SGSH: variants seen among roughly 807,000 people sequenced by gnomAD.
SGSH encodes heparan sulfate sulfatase.
In SGSH, 48 loss-of-function variants were observed where a neutral mutation model predicts 51.0. The ratio of observed to expected loss-of-function variants is 0.94; its 90% CI spans 0.75 to 1.20. The LOEUF is 1.20. SGSH is among the 50% of genes most tolerant of loss of function. The pLI is 0.00. For missense variants in SGSH, 662 were observed against 717.8 expected, an observed-to-expected ratio of 0.92 and a Z score of 0.89; for synonymous variants, 321 against 313.4, an observed-to-expected ratio of 1.02 and a Z score of -0.26.
chr17:80,215,063 G>A lies in SGSH; in HGVS notation c.325C>T (p.Leu109=), dbSNP rs930899199. The change falls in exon 3 of 8, where the codon CTG becomes TTG. Residue 109 remains leucine (L), a synonymous_variant. Transcript: ENST00000326317. ...NSFDKVRSLP[L]LLSQAGVRTG... ...CGCACACCAGCTTGGCTGAGCAGCAGCGGCAGGCTCCGCACCTTGTCGAAG... is the reference window on the plus strand; with the variant it reads ...CGCACACCAGCTTGGCTGAGCAGCAACGGCAGGCTCCGCACCTTGTCGAAG... 5 of 1,611,976 alleles carry A rather than the reference G, an allele frequency of 3.1e-6. No homozygotes were observed. The highest frequency in any genetic ancestry group is 2.7e-5 in the African/African-American group (2 of 75,064).
downstream of SGSH, chr17:80,206,787 T>TG (rs1281593162): frequency 2.4e-6 from 1 of 414,822 alleles, no homozygotes; most frequent in East Asian, 3.7e-5. Flanking sequence ...AAAATAAAAA[T>TG]AAAAAAAAGA....
downstream of SGSH, chr17:80,208,237 C>A (rs1394496724): frequency 1.3e-6 from 2 of 1,574,628 alleles, no homozygotes; most frequent in Non-Finnish European, 1.7e-6. Context: ...TATACAGCAG[C>A]CTGGCTCCTG....
At position 80,210,125 on chromosome 17, in the gene SGSH, T is replaced by C. The variant is rs1473211776; in HGVS notation, c.*327A>G. On this transcript the variant is annotated 3_prime_UTR_variant, in exon 8 of 8. Transcript: ENST00000326317. ...GCCAGAAAACAAGACTCCCTTGTCA[T>C]GGGCTGGGGGCGCTGCCCTGTCCGC... 13 of 1,217,488 alleles carry C rather than the reference T, an allele frequency of 1.1e-5. No individual in the cohort carries two copies. The highest frequency in any genetic ancestry group is 3.9e-5 in the Admixed American group (1 of 25,870). 75.4% of individuals were successfully genotyped at this position (1,217,488 alleles called of 1,614,324 possible).
Position 80,210,708 on chromosome 17 carries a change from C to A in SGSH, c.1253G>T (p.Gly418Val). ...GTCCTTGTACCAGCCCGTGGGCTGA[C>A]CAGCTGTGGTGCGGTTCAGGAGGTC... ...FQDLLNRTTA[G>V]QPTGWYKDLR... The change falls in exon 8 of 8, where the codon GGT (glycine) becomes GTT (valine). Residue 418 changes from glycine (G) to valine (V), a missense_variant. Coordinates refer to ENST00000326317, the MANE Select transcript of SGSH (RefSeq NM_000199.5). 2 of 1,614,052 alleles carry A rather than the reference C, an allele frequency of 1.2e-6. No homozygotes were observed. Among genetic ancestry groups the A allele is most frequent in the Admixed American group, 1.7e-5 (1 of 60,022 alleles).
chr17:80,213,690 G>T lies in SGSH; in HGVS notation c.745+114C>A. Reference sequence around the variant, plus strand: ...TGGGCTCTGCCAGCTGCAGCACAGGGCCTGCCACACTGGGACCCTCACCCA... The same window carrying T: ...TGGGCTCTGCCAGCTGCAGCACAGGTCCTGCCACACTGGGACCCTCACCCA... On this transcript the variant is annotated intron_variant, in intron 6 of 7. Transcript: ENST00000326317. This position sits in a 1 kb window ranked among gnomAD's most constrained non-coding sequence, Gnocchi z 4.6. 1 of 942,128 alleles carries T rather than the reference G, an allele frequency of 1.1e-6. No homozygotes were observed. Among genetic ancestry groups the T allele is most frequent in the Non-Finnish European group, 1.6e-6 (1 of 610,548 alleles). 58.4% of individuals were successfully genotyped at this position (942,128 alleles called of 1,614,324 possible).
At chr17:80,216,350 T>C (rs1215663999) in intron 2 of SGSH, among the ~76,000 whole-genome samples, 1 of 151,830 alleles carries the variant, frequency 6.6e-6, no homozygotes. Context: ...GGACTAGTCC[T>C]GTGTGATTCC....
intron 2 of SGSH, 102 bp from the exon 3 acceptor site, chr17:80,215,240 G>A: frequency 1.2e-6 from 1 of 838,878 alleles, no homozygotes; most frequent in Non-Finnish European, 2.0e-6. Flanking sequence ...GCCTTCTCGG[G>A]GCCCTGATTT....
downstream of SGSH, chr17:80,206,913 CT>C: frequency 7.3e-7 from 1 of 1,363,136 alleles, no homozygotes; most frequent in Non-Finnish European, 1.0e-6. Flanking sequence ...CGTTGGCTCC[CT>C]TTGCTTCCTC....
chr17:80,211,447 G>C (rs1313063964), intron 7 of SGSH: 1 of 305,006 alleles, frequency 3.3e-6, no homozygotes, highest in African/African-American at 2.2e-5. Flanking sequence ...GGCTCTGCCA[G>C]GCAGTGGGCA....
chr17:80,217,320 T>C (rs2041931488), intron 1 of SGSH, 128 bp from the exon 2 acceptor site: 1 of 1,078,496 alleles, frequency 9.3e-7, no homozygotes, highest in African/African-American at 1.5e-5. Context: ...ACTGGCTCAG[T>C]GTGAACACTC....
downstream of SGSH, chr17:80,205,278 C>T: frequency 1.7e-6 from 2 of 1,199,662 alleles, no homozygotes; most frequent in South Asian, 2.8e-5. Flanking sequence ...CTCCCTCCTT[C>T]CTCCCCTTCC....
At chr17:80,206,398 G>C (rs1408179744), downstream of SGSH, among the ~76,000 whole-genome samples, 1 of 152,262 alleles carries the variant, frequency 6.6e-6, no homozygotes, top group Non-Finnish European at 1.5e-5. Flanking sequence ...AAGATTGCTT[G>C]AGCCCAGGAA....
chr17:80,214,786 G>C (rs1342802821), intron 3 of SGSH, 21 bp from the exon 4 acceptor site: 2 of 1,607,888 alleles, frequency 1.2e-6, no homozygotes, highest in Non-Finnish European at 1.7e-6. Context: ...AGAGAGGCCT[G>C]GCCAGAGTCC....
intron 7 of SGSH, chr17:80,211,503 C>T (rs1177989539): frequency 7.5e-6 from 2 of 266,284 alleles, no homozygotes; most frequent in African/African-American, 4.5e-5. Context: ...ACCCCGAGCC[C>T]CTCACAAAGT....
intron 2 of SGSH, 140 bp from the exon 3 acceptor site, chr17:80,215,278 C>T: frequency 1.4e-6 from 1 of 697,316 alleles, no homozygotes. Context: ...CACCCAGAGA[C>T]ACTGGCTGTA....
intron 5 of SGSH, 138 bp downstream of exon 5, chr17:80,214,034 C>T (rs773166549): frequency 1.1e-5 from 15 of 1,349,618 alleles, no homozygotes; most frequent in East Asian, 7.5e-5. Flanking sequence ...TCTGTGGCCC[C>T]GAGGTTGGGA....
chr17:80,203,905 C>A, downstream of SGSH: 2 of 1,580,156 alleles, frequency 1.3e-6, no homozygotes, highest in Non-Finnish European at 1.7e-6. The surrounding 1 kb of genome is among the most constrained non-coding windows in gnomAD (Gnocchi z 4.6). Context: ...CAGGGAGGGG[C>A]CTGGACCCCA....
chr17:80,202,477 C>T (rs922885202), downstream of SGSH: 49 of 1,579,988 alleles, frequency 3.1e-5, no homozygotes, highest in Non-Finnish European at 4.1e-5. Flanking sequence ...GGAAATGGCA[C>T]CCAGCCTGCC....
At chr17:80,202,089 C>T (rs564084522), downstream of SGSH, 2 of 1,186,604 alleles carry the variant, frequency 1.7e-6, no homozygotes, top group Admixed American at 1.9e-5. Context: ...CTGGGAGGGT[C>T]CTTCCTTCTC....
Sources: allele counts gnomAD v4.1 joint callset (sites outside exome capture counted in the v4.1 genomes callset), GRCh38; gene constraint gnomAD v4.1.1; non-coding constraint Gnocchi (gnomAD v3.1); transcripts MANE v1.5; gene names NCBI Gene and HGNC (gene_info 2026-07-23, HGNC 2026-07-21).